Variants in KCNB2 observed in about 807,000 individuals in gnomAD.
KCNB2 encodes the protein delayed rectifier potassium channel protein.
Under a neutral mutation model 61.5 loss-of-function variants are expected in KCNB2, and 15 were observed. That is an observed-to-expected ratio of 0.24 (90% confidence interval 0.16 to 0.38). KCNB2 has a LOEUF of 0.38. Ranked by LOEUF, KCNB2 falls within the 10% of genes least tolerant of loss-of-function variation. KCNB2 has a pLI of 1.00. For missense variants in KCNB2, 828 were observed against 1,125.2 expected (o/e 0.74, Z 3.78); for synonymous variants, 457 against 446.0 (o/e 1.02, Z -0.31).
chr8:72,690,130 G>A lies in KCNB2; in HGVS notation c.579+121817G>A, dbSNP rs557623095. Among the ~76,000 whole-genome samples, 8 of 152,046 alleles carry A rather than the reference G, an allele frequency of 5.3e-5. No homozygotes were observed. The South Asian group carries it at 1.7e-3, about 32-fold the overall frequency. On this transcript the variant is annotated intron_variant, in intron 2 of 2. Transcript: ENST00000523207. The stretch of plus-strand genomic sequence containing the variant: ...ATATATTTTTTTCTGAAGCCAATCT[G>A]CCATATTTTCTGCATTCACTGAGCT...
chr8:72,717,539 C>T (rs1298415284), intron 2 of KCNB2, among the ~76,000 whole-genome samples: 2 of 152,138 alleles, frequency 1.3e-5, no homozygotes, highest in African/African-American at 2.4e-5. Context: ...CTTTGACAAA[C>T]CTGACAAAAA....
At chr8:72,789,446 A>G (rs1808899233) in intron 2 of KCNB2, among the ~76,000 whole-genome samples, 1 of 152,154 alleles carries the variant, frequency 6.6e-6, no homozygotes, top group South Asian at 2.1e-4. Context: ...TTTTTGAACC[A>G]TGGAAGATCT....
intron 2 of KCNB2, among the ~76,000 whole-genome samples, chr8:72,759,894 GT>G (rs1311007605): frequency 1.3e-5 from 2 of 152,148 alleles, no homozygotes; most frequent in Admixed American, 1.3e-4. Flanking sequence ...CAGAGTCAAG[GT>G]CGGGACAAAG....
intron 2 of KCNB2, among the ~76,000 whole-genome samples, chr8:72,619,580 G>A (rs559467983): frequency 2.4e-4 from 36 of 150,658 alleles, no homozygotes; most frequent in African/African-American, 8.3e-4. Flanking sequence ...TTCTCCTCCT[G>A]GGGCTCCATA....
chr8:72,646,747 G>A (rs1411114997), intron 2 of KCNB2, among the ~76,000 whole-genome samples: 1 of 152,160 alleles, frequency 6.6e-6, no homozygotes, highest in Non-Finnish European at 1.5e-5. Flanking sequence ...TAGGGAGTTA[G>A]TGCTTAGTGA....
At chr8:72,625,050 C>T (rs7002471) in intron 2 of KCNB2, among the ~76,000 whole-genome samples, 38,935 of 152,056 alleles carry the variant, frequency 0.26, 5,692 homozygotes, top group East Asian at 0.53. Flanking sequence ...ATAGGAGACC[C>T]CAGCACCAAC....
chr8:72,738,606 C>T (rs944122425), intron 2 of KCNB2, among the ~76,000 whole-genome samples: 1 of 152,146 alleles, frequency 6.6e-6, no homozygotes, highest in African/African-American at 2.4e-5. Context: ...CACATAAAGC[C>T]CTTGATGCCC....
intron 2 of KCNB2, among the ~76,000 whole-genome samples, chr8:72,735,290 A>G (rs539923682): frequency 6.6e-5 from 10 of 152,294 alleles, no homozygotes; most frequent in Admixed American, 2.0e-4. Flanking sequence ...GCTATAGATA[A>G]GTATTGAGGC....
intron 1 of KCNB2, among the ~76,000 whole-genome samples, chr8:72,561,764 TATATATATATATGG>T (rs781496626): frequency 7.8e-5 from 2 of 25,502 alleles, no homozygotes; most frequent in East Asian, 4.1e-3. Context: ...TATATATGGA[TATATATATATATGG>T]ATATATATAT....
intron 2 of KCNB2, among the ~76,000 whole-genome samples, chr8:72,618,524 T>C (rs754003056): frequency 1.7e-4 from 26 of 152,200 alleles, no homozygotes; most frequent in Non-Finnish European, 3.4e-4. Context: ...GAAAAGGTAT[T>C]TTAATACGAA....
intron 2 of KCNB2, among the ~76,000 whole-genome samples, chr8:72,675,172 T>C (rs1226372136): frequency 6.6e-6 from 1 of 152,152 alleles, no homozygotes; most frequent in Non-Finnish European, 1.5e-5. Context: ...TATATCTAGG[T>C]ATATTGGAAA....
chr8:72,548,635 TG>T (rs981208608), intron 1 of KCNB2, among the ~76,000 whole-genome samples: 2 of 152,080 alleles, frequency 1.3e-5, no homozygotes, highest in Non-Finnish European at 2.9e-5. Flanking sequence ...TACCTAGAGG[TG>T]GTTTTAAAGT....
intron 2 of KCNB2, among the ~76,000 whole-genome samples, chr8:72,631,611 G>T (rs755926261): frequency 6.6e-6 from 1 of 152,172 alleles, no homozygotes; most frequent in Non-Finnish European, 1.5e-5. Flanking sequence ...AGGTACAGGG[G>T]TTTAAGACTT....
chr8:72,773,855 T>C (rs1808603907), intron 2 of KCNB2, among the ~76,000 whole-genome samples: 1 of 152,142 alleles, frequency 6.6e-6, no homozygotes, highest in Non-Finnish European at 1.5e-5. Flanking sequence ...GCTCATTCAT[T>C]GTAAGGTCTG....
chr8:72,719,810 A>T (rs929801525), intron 2 of KCNB2, among the ~76,000 whole-genome samples: 5 of 152,198 alleles, frequency 3.3e-5, no homozygotes, highest in African/African-American at 9.6e-5. Flanking sequence ...AGAATATTTG[A>T]TTGTAATTGA....
At chr8:72,839,647 C>T (rs1809845349) in intron 2 of KCNB2, among the ~76,000 whole-genome samples, 1 of 138,992 alleles carries the variant, frequency 7.2e-6, no homozygotes, top group South Asian at 2.4e-4. Context: ...GAGTCTCGCT[C>T]TGTCGCCCAG....
intron 2 of KCNB2, among the ~76,000 whole-genome samples, chr8:72,761,939 T>C (rs1808389037): frequency 6.6e-6 from 1 of 152,318 alleles, no homozygotes; most frequent in Middle Eastern, 3.4e-3. Context: ...CTCTATAGTA[T>C]AGTATAGAGT....
At chr8:72,737,486 TA>T (rs1198845845) in intron 2 of KCNB2, among the ~76,000 whole-genome samples, 1 of 152,212 alleles carries the variant, frequency 6.6e-6, no homozygotes, top group Non-Finnish European at 1.5e-5. Context: ...ATGTTCTCAA[TA>T]GTTGTATTTA....
At chr8:72,820,012 A>G (rs1338013826) in intron 2 of KCNB2, among the ~76,000 whole-genome samples, 2 of 151,774 alleles carry the variant, frequency 1.3e-5, no homozygotes, top group African/African-American at 4.8e-5. Context: ...GTGTGCTTCT[A>G]CTCAAGACAA....
Sources: gnomAD v4.1 joint callset for allele counts (sites outside exome capture counted in the v4.1 genomes callset) on GRCh38, gnomAD v4.1.1 for gene constraint, MANE v1.5 for transcripts, NCBI Gene and HGNC (gene_info 2026-07-23, HGNC 2026-07-21) for gene names.